The following KIDINS220 variants were observed in gnomAD, a reference collection of about 807,000 sequenced individuals.
KIDINS220 encodes kinase D interacting substrate 220.
KIDINS220 carries 63 observed loss-of-function variants against 157.6 expected under a neutral mutation model. The observed-to-expected ratio is 0.40, with a 90% CI of 0.33 to 0.49. KIDINS220 has a LOEUF of 0.49. KIDINS220 is among the 20% of genes least tolerant of loss of function. KIDINS220 has a pLI of 0.66. For missense variants in KIDINS220, 1,772 were observed against 2,171.2 expected, an observed-to-expected ratio of 0.82 and a Z score of 3.65; for synonymous variants, 732 against 783.6, an observed-to-expected ratio of 0.93 and a Z score of 1.10.
Position 8,750,333 on chromosome 2 carries a change from C to A in KIDINS220, c.3193G>T (p.Val1065Phe). 1 of 1,547,896 alleles carries A rather than the reference C, an allele frequency of 6.5e-7. No homozygotes were observed. The highest frequency in any genetic ancestry group is 8.8e-7 in the Non-Finnish European group (1 of 1,141,618). Reference protein sequence around the residue: ...DPKLREIIADVRAAREQISIG... With the variant: ...DPKLREIIADFRAAREQISIG... ...CTGATCTGCTCTCTGGCAGCACGAA[C>A]ATCTGAAAGATTCAATCAGACCCCA... The change falls in exon 24 of 30, where the codon GTT (valine) becomes TTT (phenylalanine). Residue 1065 changes from valine to phenylalanine, a missense_variant and splice_region_variant. Around this residue, in one of 3 missense-constraint regions of KIDINS220, gnomAD observed 793 missense variants for 885.5 expected, o/e 0.90. Transcript: ENST00000256707.
Position 8,786,387 on chromosome 2 carries a change from T to C in KIDINS220, c.1788-30A>G. On this transcript the variant is annotated intron_variant, in intron 15 of 29. Coordinates refer to ENST00000256707, the MANE Select transcript of KIDINS220 (RefSeq NM_020738.4). Reference sequence around the variant, plus strand: ...AAGAAAAGAACAAATCAAACATTACTTTATTATCTAAAGTAACAAATAACT... The same window carrying C: ...AAGAAAAGAACAAATCAAACATTACCTTATTATCTAAAGTAACAAATAACT... 4.5e-6 allele frequency: 7 copies of C among 1,563,856 alleles called. No homozygotes were observed. In the South Asian group the frequency reaches 4.5e-5, roughly 10 times the overall value.
chr2:8,760,982 G>A (rs1668672151), intron 22 of KIDINS220, among the ~76,000 whole-genome samples: 1 of 152,166 alleles, frequency 6.6e-6, no homozygotes, highest in Admixed American at 6.5e-5. Context: ...AGTGGTAAGA[G>A]AGGCAAAATA....
intron 22 of KIDINS220, among the ~76,000 whole-genome samples, chr2:8,758,205 TG>T (rs1668287765): frequency 6.6e-6 from 1 of 152,216 alleles, no homozygotes; most frequent in South Asian, 2.1e-4. Context: ...TTAAATCTGA[TG>T]ATAGGAATGT....
In KIDINS220 at chr2:8,778,974, T is replaced by C. The variant is rs757297669; in HGVS notation, c.2536A>G (p.Ser846Gly). 2 of 1,614,034 alleles carry C rather than the reference T, an allele frequency of 1.2e-6. No homozygotes were observed. Among genetic ancestry groups the C allele is most frequent in the Non-Finnish European group, 1.7e-6 (2 of 1,179,990 alleles). Residue 846 changes from serine (S) to glycine (G), a missense_variant, in exon 19 of 30, where the codon AGT becomes GGT. Physicochemically the swap from Ser to Gly is moderately conservative, Grantham distance 56. This residue lies in a region of KIDINS220 where 725 missense variants were observed against 1,017.1 expected (regional missense o/e 0.71). Transcript: ENST00000256707. ...TTTCTTGCATTGCTTAGTCCACGAC[T>C]ATTAAGGAACACAGGCAAGTGGACT... Reference protein sequence around the residue: ...NIVHLPVFLNSRGLSNARKFL... With the variant: ...NIVHLPVFLNGRGLSNARKFL...
At chr2:8,815,504 C>T (rs967588997) in intron 4 of KIDINS220, among the ~76,000 whole-genome samples, 4 of 151,986 alleles carry the variant, frequency 2.6e-5, no homozygotes, top group African/African-American at 9.7e-5. Context: ...CCTGTCTCTA[C>T]TAAAAATACA....
chr2:8,789,553 G>C (rs1230897392), intron 14 of KIDINS220, among the ~76,000 whole-genome samples: 1 of 152,078 alleles, frequency 6.6e-6, no homozygotes, highest in East Asian at 1.9e-4. Flanking sequence ...CTCCCAAAGT[G>C]CTGGGATTAC....
intron 4 of KIDINS220, among the ~76,000 whole-genome samples, chr2:8,816,972 C>G (rs1017598953): frequency 6.6e-6 from 1 of 152,192 alleles, no homozygotes; most frequent in Admixed American, 6.5e-5. Flanking sequence ...ACTTCAAAAA[C>G]CATCATCAGC....
At chr2:8,741,152 A>C (rs1446838375) in intron 26 of KIDINS220, among the ~76,000 whole-genome samples, 1 of 152,254 alleles carries the variant, frequency 6.6e-6, no homozygotes, top group Non-Finnish European at 1.5e-5. Context: ...TCCAAAACAC[A>C]AAAGAAAGCT....
At chr2:8,796,914 C>T (rs758745190) in intron 10 of KIDINS220, 45 bp from the exon 11 acceptor site, 4 of 1,362,032 alleles carry the variant, frequency 2.9e-6, no homozygotes, top group Non-Finnish European at 2.1e-6. Flanking sequence ...TAGCTTGACT[C>T]CTGTGTTTAT....
intron 18 of KIDINS220, 133 bp downstream of exon 18, chr2:8,779,541 A>G: frequency 1.1e-6 from 1 of 915,322 alleles, no homozygotes; most frequent in Non-Finnish European, 1.6e-6. Flanking sequence ...TGTTTTTACA[A>G]AAGAAAAATC....
chr2:8,747,473 C>A (rs1666746251), intron 25 of KIDINS220: 2 of 502,216 alleles, frequency 4.0e-6, no homozygotes, highest in Non-Finnish European at 3.5e-6. Context: ...TTAATTCCTG[C>A]CATTTGATTG....
intron 17 of KIDINS220, among the ~76,000 whole-genome samples, chr2:8,784,092 C>T (rs1251571087): frequency 1.3e-5 from 2 of 151,200 alleles, no homozygotes; most frequent in Non-Finnish European, 2.9e-5. Context: ...CAGAAACAGA[C>T]CTACACAAAT....
chr2:8,811,875 G>A (rs973371053), intron 6 of KIDINS220, among the ~76,000 whole-genome samples: 4 of 152,070 alleles, frequency 2.6e-5, no homozygotes, highest in South Asian at 2.1e-4. Context: ...AGGAAGAGGC[G>A]GGCACACTGT....
chr2:8,789,740 T>C (rs1672926459), intron 14 of KIDINS220, 140 bp downstream of exon 14: 1 of 690,866 alleles, frequency 1.4e-6, no homozygotes, highest in South Asian at 2.2e-5. Context: ...ATTTATGGAG[T>C]AGCAAAAAGA....
chr2:8,723,297 T>G (rs1156990107), downstream of KIDINS220: 2 of 152,286 alleles, frequency 1.3e-5, no homozygotes, highest in African/African-American at 2.4e-5. Context: ...CTCCACTCTC[T>G]TCCCCTGTGG....
In KIDINS220 at chr2:8,790,035, T is replaced by A; in HGVS notation, c.1466A>T (p.Gln489Leu). 1.3e-6 allele frequency: 2 copies of A among 1,596,574 alleles called. No individual in the cohort carries two copies. Among genetic ancestry groups the A allele is most frequent in the Non-Finnish European group, 1.7e-6 (2 of 1,175,912 alleles). The change falls in exon 14 of 30, where the codon CAA (glutamine) becomes CTA (leucine). Residue 489 changes from glutamine (Q) to leucine (L), a missense_variant. Gln to Leu is a moderately radical substitution (Grantham distance 113). Coordinates refer to ENST00000256707, the MANE Select transcript of KIDINS220 (RefSeq NM_020738.4). ...LEDEMKTFAG[Q>L]QIEPLFQFSW... ...GAACTGAAAGAGAGGCTCAATCTGT[T>A]GTCCGGCGAAGGTTTTCATTTCGTC...
intron 17 of KIDINS220, among the ~76,000 whole-genome samples, chr2:8,780,335 T>A (rs1417022783): frequency 6.6e-6 from 1 of 152,176 alleles, no homozygotes; most frequent in East Asian, 1.9e-4. Flanking sequence ...CTTATAAAAG[T>A]CTATTTTATA....
At chr2:8,722,547 C>T (rs1572374661), downstream of KIDINS220, 1 of 152,324 alleles carries the variant, frequency 6.6e-6, no homozygotes, top group East Asian at 1.9e-4. Flanking sequence ...CCCAAGAGTT[C>T]CTGTTACCAC....
intron 6 of KIDINS220, among the ~76,000 whole-genome samples, chr2:8,811,846 A>G (rs1279302562): frequency 1.3e-5 from 2 of 151,946 alleles, no homozygotes; most frequent in African/African-American, 2.4e-5. Flanking sequence ...AGAGCCTCAG[A>G]GATGATGTGA....
Sources: allele counts gnomAD v4.1 joint callset (sites outside exome capture counted in the v4.1 genomes callset), GRCh38; gene constraint gnomAD v4.1.1; regional missense constraint gnomAD v4.1.1; transcripts MANE v1.5; gene names NCBI Gene and HGNC (gene_info 2026-07-23, HGNC 2026-07-21).